Variants in OPRL1 observed in about 807,000 individuals in gnomAD.
OPRL1 encodes the protein opioid related nociceptin receptor 1.
OPRL1 carries 5 observed loss-of-function variants against 15.5 expected under a neutral mutation model. That is an observed-to-expected ratio of 0.32 (90% CI 0.17 to 0.68). The LOEUF (loss-of-function observed/expected upper bound fraction) is 0.68. OPRL1 is among the 30% of genes least tolerant of loss of function. The pLI is 0.72. For synonymous variants in OPRL1, 223 were observed against 230.2 expected (o/e 0.97, Z 0.28); for missense variants, 406 against 515.3 (o/e 0.79, Z 2.05).
rs879152739 is a variant in OPRL1 at position 64,097,063 on chromosome 20, A to C, written c.234-739A>C. 5.4e-4 allele frequency among the ~76,000 whole-genome samples: 82 copies of C among 151,556 alleles called. No individual in the cohort carries two copies. Among genetic ancestry groups the C allele is most frequent in the East Asian group, 1.2e-3 (6 of 5,164 alleles). ...CACCATCATCACCATCATCATCATCACCACTACCATCACGCTCACAGTCAT... is the reference window on the plus strand; with the variant it reads ...CACCATCATCACCATCATCATCATCCCCACTACCATCACGCTCACAGTCAT... On this transcript the variant is annotated intron_variant, in intron 3 of 4. Coordinates refer to ENST00000336866, the MANE Select transcript of OPRL1 (RefSeq NM_182647.4). This position sits in a 1 kb window ranked among gnomAD's most constrained non-coding sequence, Gnocchi z 4.2.
At position 64,083,559 on chromosome 20, in the gene OPRL1, G is replaced by A; in HGVS notation, c.-185+3207G>A. 6.5e-7 allele frequency: 1 copy of A among 1,529,386 alleles called. No individual in the cohort carries two copies. Among genetic ancestry groups the A allele is most frequent in the Non-Finnish European group, 8.8e-7 (1 of 1,137,958 alleles). The allele number at this position is 1,529,386 out of a possible 1,614,324, so 94.7% of individuals were successfully genotyped here. A position where few individuals can be genotyped will look rare whatever the true frequency, so the allele number is the denominator to read the frequency against. ...CGGGCAGGGCCCCTCCCCTTTCCCC[G>A]CCCCTACCGGGGCTTGTCTGCACCT... On this transcript the variant is annotated intron_variant, in intron 1 of 4. Transcript: ENST00000336866. This position sits in a 1 kb window ranked among gnomAD's most constrained non-coding sequence, Gnocchi z 4.9.
chr20:64,083,541 G>A lies in OPRL1; in HGVS notation c.-185+3189G>A. The stretch of plus-strand genomic sequence containing the variant: ...GTCCGGCGTGTGCGGAGGCGGGCAG[G>A]GCCCCTCCCCTTTCCCCGCCCCTAC... On this transcript the variant is annotated intron_variant, in intron 1 of 4. Transcript: ENST00000336866. This position sits in a 1 kb window ranked among gnomAD's most constrained non-coding sequence, Gnocchi z 4.9. 6.5e-7 allele frequency: 1 copy of A among 1,546,502 alleles called. No homozygotes were observed. The highest frequency in any genetic ancestry group is 8.7e-7 in the Non-Finnish European group (1 of 1,145,412).
At position 64,098,257 on chromosome 20, in the gene OPRL1, C is replaced by A; in HGVS notation, c.590-19C>A. 1 of 1,607,366 alleles carries A rather than the reference C, an allele frequency of 6.2e-7. No homozygotes were observed. Among genetic ancestry groups the A allele is most frequent in the South Asian group, 1.1e-5 (1 of 90,594 alleles). ...CCACGTCTCCTGGGCCCACTCTGAC[C>A]CCGTTTCTCTCCCTGCAGAGATCGA... On this transcript the variant is annotated intron_variant, in intron 4 of 4. Coordinates refer to ENST00000336866, the MANE Select transcript of OPRL1 (RefSeq NM_182647.4).
chr20:64,083,282 C>A lies in OPRL1; in HGVS notation c.-185+2930C>A. 4.3e-6 allele frequency: 5 copies of A among 1,162,378 alleles called. No homozygotes were observed. The highest frequency in any genetic ancestry group is 2.0e-4 in the Middle Eastern group (1 of 5,048). 72.0% of individuals were successfully genotyped at this position (1,162,378 alleles called of 1,614,324 possible). On this transcript the variant is annotated intron_variant, in intron 1 of 4. Transcript: ENST00000336866. The surrounding 1 kb of genome is among the most constrained non-coding windows in gnomAD (Gnocchi z 4.9). ...TTTGGGAGAGGCCCCACTCTCTGTA[C>A]CCTGATGTCTGTGAGGTGCATGGGA...
chr20:64,091,580 CG>C (rs1279145294), intron 1 of OPRL1, among the ~76,000 whole-genome samples: 2 of 152,064 alleles, frequency 1.3e-5, no homozygotes, highest in African/African-American at 4.8e-5. Context: ...GAGAGCTGGC[CG>C]GGTGGGGGCA....
intron 1 of OPRL1, among the ~76,000 whole-genome samples, chr20:64,086,246 C>T (rs967871884): frequency 6.6e-6 from 1 of 152,186 alleles, no homozygotes; most frequent in Admixed American, 6.5e-5. Flanking sequence ...GGGAGTCACG[C>T]AGGGAGTAGG....
At position 64,083,568 on chromosome 20, in the gene OPRL1, G is replaced by A; in HGVS notation, c.-185+3216G>A. 2 of 1,525,626 alleles carry A rather than the reference G, an allele frequency of 1.3e-6. No individual in the cohort carries two copies. The highest frequency in any genetic ancestry group is 1.8e-6 in the Non-Finnish European group (2 of 1,136,272). The allele number at this position is 1,525,626 out of a possible 1,614,324, so 94.5% of individuals were successfully genotyped here. ...CCCCTCCCCTTTCCCCGCCCCTACC[G>A]GGGCTTGTCTGCACCTCTTGGCGGT... On this transcript the variant is annotated intron_variant, in intron 1 of 4. Coordinates refer to ENST00000336866, the MANE Select transcript of OPRL1 (RefSeq NM_182647.4). This position sits in a 1 kb window ranked among gnomAD's most constrained non-coding sequence, Gnocchi z 4.9.
At position 64,089,963 on chromosome 20, in the gene OPRL1, C is replaced by T. The variant is rs1034085796; in HGVS notation, c.-184-2003C>T. 3.9e-5 allele frequency among the ~76,000 whole-genome samples: 6 copies of T among 152,178 alleles called. No homozygotes were observed. Among genetic ancestry groups the T allele is most frequent in the South Asian group, 2.1e-4 (1 of 4,830 alleles). The stretch of plus-strand genomic sequence containing the variant: ...GCCTGCCTGGATTCCTGCCCCCTCT[C>T]GGCTCCTGAGGTCAGGGGGCTCACC... On this transcript the variant is annotated intron_variant, in intron 1 of 4. Coordinates refer to ENST00000336866, the MANE Select transcript of OPRL1 (RefSeq NM_182647.4). The surrounding 1 kb of genome is among the most constrained non-coding windows in gnomAD (Gnocchi z 5.5).
intron 3 of OPRL1, among the ~76,000 whole-genome samples, chr20:64,095,795 G>A (rs113997708): frequency 6.6e-6 from 1 of 152,126 alleles, no homozygotes; most frequent in African/African-American, 2.4e-5. Context: ...GTAGAGGCGG[G>A]ACAGGGTAGT....
At chr20:64,087,926 G>A (rs533259363) in intron 1 of OPRL1, among the ~76,000 whole-genome samples, 53 of 152,328 alleles carry the variant, frequency 3.5e-4, no homozygotes, top group Admixed American at 3.0e-3. Context: ...TCCTCCGTGG[G>A]AGCGTTTCTG....
In OPRL1 at chr20:64,100,117, G is replaced by C. The variant is rs565652880; in HGVS notation, c.*1318G>C. 1.7e-4 allele frequency: 26 copies of C among 152,134 alleles called. No homozygotes were observed. Among genetic ancestry groups the C allele is most frequent in the African/African-American group, 6.0e-4 (25 of 41,456 alleles). 9.4% of individuals were successfully genotyped at this position (152,134 alleles called of 1,614,324 possible). A position where few individuals can be genotyped will look rare whatever the true frequency, so the allele number is the denominator to read the frequency against. On this transcript the variant is annotated 3_prime_UTR_variant, in exon 5 of 5. Coordinates refer to ENST00000336866, the MANE Select transcript of OPRL1 (RefSeq NM_182647.4). ...GAGGACACTGCGGGGGTTGGGGGGG[G>C]GGCGTCTGTACCTCAGGGGATGCCC... is the stretch of plus-strand genomic sequence containing the variant.
At chr20:64,084,351 G>C in intron 1 of OPRL1, 12 of 1,286,050 alleles carry the variant, frequency 9.3e-6, no homozygotes, top group Non-Finnish European at 1.2e-5. Context: ...TCGGTTTTGA[G>C]TTCCGCACCC....
intron 1 of OPRL1, among the ~76,000 whole-genome samples, chr20:64,086,110 G>T (rs1223393554): frequency 6.6e-6 from 1 of 152,198 alleles, no homozygotes; most frequent in Non-Finnish European, 1.5e-5. Context: ...CTTTCTCTGG[G>T]CAGCCTTTGT....
At position 64,083,804 on chromosome 20, in the gene OPRL1, C is replaced by T; in HGVS notation, c.-185+3452C>T. 1 of 1,345,070 alleles carries T rather than the reference C, an allele frequency of 7.4e-7. No individual in the cohort carries two copies. The highest frequency in any genetic ancestry group is 9.5e-7 in the Non-Finnish European group (1 of 1,054,676). 83.3% of individuals were successfully genotyped at this position (1,345,070 alleles called of 1,614,324 possible). On this transcript the variant is annotated intron_variant, in intron 1 of 4. Coordinates refer to ENST00000336866, the MANE Select transcript of OPRL1 (RefSeq NM_182647.4). This position sits in a 1 kb window ranked among gnomAD's most constrained non-coding sequence, Gnocchi z 4.9. ...CCGGTGCGCCCCCTCTGCCCTCCGA[C>T]CCCCTCGCCTCACCCGCATGCGGGT...
intron 1 of OPRL1, among the ~76,000 whole-genome samples, chr20:64,087,908 A>G (rs2060066637): frequency 6.6e-6 from 1 of 152,142 alleles, no homozygotes; most frequent in Non-Finnish European, 1.5e-5. Flanking sequence ...CATCTGCACC[A>G]CCAGTTCTCC....
chr20:64,084,840 C>A (rs2060025201), intron 1 of OPRL1, among the ~76,000 whole-genome samples: 1 of 152,226 alleles, frequency 6.6e-6, no homozygotes. Context: ...CCAGCCCCAG[C>A]GGCGGCTAAC....
rs777936978 is a variant in OPRL1 at position 64,098,351 on chromosome 20, TCTC to T, written c.668_670del (p.Ser223del). ...GTGTTTGCCATCTGCATCTTCCTCT[TCTC>T]CTTCATCGTCCCCGTGCTCGTCATC... is the stretch of plus-strand genomic sequence containing the variant. On this transcript the variant is annotated inframe_deletion, in exon 5 of 5. Transcript: ENST00000336866. The T allele has an allele frequency of 1.8e-5, 29 of 1,613,746 alleles. No individual in the cohort carries two copies. The highest frequency in any genetic ancestry group is 2.3e-5 in the Non-Finnish European group (27 of 1,179,986).
rs556592071 is a variant in OPRL1 at position 64,090,009 on chromosome 20, C to G, written c.-184-1957C>G. Among the ~76,000 whole-genome samples, 1 of 152,170 alleles carries G rather than the reference C, an allele frequency of 6.6e-6. No individual in the cohort carries two copies. Among genetic ancestry groups the G allele is most frequent in the African/African-American group, 2.4e-5 (1 of 41,416 alleles). ...TCACCCTCGAGCTTTGCCTGGAGAG[C>G]GTGTTTGTGCATGTGTGTGTCCTCT... On this transcript the variant is annotated intron_variant, in intron 1 of 4. Transcript: ENST00000336866. The surrounding 1 kb of genome is among the most constrained non-coding windows in gnomAD (Gnocchi z 4.9).
chr20:64,096,013 T>C (rs1231838303), intron 3 of OPRL1, among the ~76,000 whole-genome samples: 2 of 152,106 alleles, frequency 1.3e-5, no homozygotes, highest in Non-Finnish European at 2.9e-5. Context: ...TCCCCACTGC[T>C]GACTCCTAAG....
Sources: allele counts gnomAD v4.1 joint callset (sites outside exome capture counted in the v4.1 genomes callset), GRCh38; gene constraint gnomAD v4.1.1; non-coding constraint Gnocchi (gnomAD v3.1); transcripts MANE v1.5; gene names NCBI Gene and HGNC (gene_info 2026-07-23, HGNC 2026-07-21).